PLEKHH2: variants seen among roughly 807,000 people sequenced by gnomAD.
The protein encoded by PLEKHH2 is pleckstrin homology domain-containing family H member 2.
In PLEKHH2, 129 loss-of-function variants were observed where a neutral mutation model predicts 187.9. The observed-to-expected ratio is 0.69, with a 90% CI of 0.59 to 0.79. PLEKHH2 has a LOEUF of 0.79. Ranked by LOEUF, PLEKHH2 falls within the 30% of genes least tolerant of loss-of-function variation. The pLI, the probability that PLEKHH2 is intolerant of heterozygous loss-of-function variation, is 0.00. For missense variants in PLEKHH2, 2,076 were observed against 1,751.2 expected, an observed-to-expected ratio of 1.19 and a Z score of -3.31; for synonymous variants, 686 against 605.6, an observed-to-expected ratio of 1.13 and a Z score of -1.95.
chr2:43,676,898 C>T (rs1667828155), intron 2 of PLEKHH2, among the ~76,000 whole-genome samples: 1 of 152,166 alleles, frequency 6.6e-6, no homozygotes. Context: ...ACACCACTTC[C>T]TTGATGTCAT....
In PLEKHH2 at chr2:43,704,179, G is replaced by T. The variant is rs1488234822; in HGVS notation, c.1726+123G>T. 6.2e-6 allele frequency: 4 copies of T among 647,380 alleles called. No homozygotes were observed. In the East Asian group the frequency reaches 1.2e-4, roughly 19 times the overall value. The allele number at this position is 647,380 out of a possible 1,614,324, so 40.1% of individuals were successfully genotyped here. On this transcript the variant is annotated intron_variant, in intron 9 of 29. Transcript: ENST00000282406. ...ATACTGTATGATTCCACCTAAAGGA[G>T]GTGTTTAAAGGGTCAAATTCATAGG...
At position 43,725,391 on chromosome 2, in the gene PLEKHH2, C is replaced by T. The variant is rs182915099; in HGVS notation, c.2542-881C>T. On this transcript the variant is annotated intron_variant, in intron 16 of 29. Coordinates refer to ENST00000282406, the MANE Select transcript of PLEKHH2 (RefSeq NM_172069.4). ...CTGTTTTATTGGGGGGCCCATTGTA[C>T]AAGTGTGGAGTTTGGTAATTACCCA... is the stretch of plus-strand genomic sequence containing the variant. 3.3e-4 allele frequency among the ~76,000 whole-genome samples: 50 copies of T among 152,268 alleles called. 1 individual carries two copies. Among genetic ancestry groups the T allele is most frequent in the Admixed American group, 1.0e-3 (16 of 15,296 alleles).
chr2:43,764,508 T>C, intron 29 of PLEKHH2, 143 bp downstream of exon 29: 1 of 818,566 alleles, frequency 1.2e-6, no homozygotes, highest in Non-Finnish European at 1.8e-6. Context: ...AAAACAGACG[T>C]TATTTATAGT....
rs1672631160 is a variant in PLEKHH2, at chr2:43,766,625, G to A, written c.*1027G>A. ...ATTTTATTTTATTTTTTTGAGGCAG[G>A]GTCTCACTCTGGTTGCCCAGGCTGG... On this transcript the variant is annotated 3_prime_UTR_variant, in exon 30 of 30. Coordinates refer to ENST00000282406, the MANE Select transcript of PLEKHH2 (RefSeq NM_172069.4). 1 of 151,894 alleles carries A rather than the reference G, an allele frequency of 6.6e-6. No individual in the cohort carries two copies. The highest frequency in any genetic ancestry group is 1.5e-5 in the Non-Finnish European group (1 of 68,160). 9.4% of individuals were successfully genotyped at this position (151,894 alleles called of 1,614,324 possible).
chr2:43,640,211 CTT>C (rs34494657), intron 1 of PLEKHH2, among the ~76,000 whole-genome samples: 67 of 143,572 alleles, frequency 4.7e-4, no homozygotes, highest in South Asian at 6.7e-4. Flanking sequence ...TATATTTAAA[CTT>C]TTTTTTTTTT....
chr2:43,701,395 T>A (rs1669354835), intron 8 of PLEKHH2, among the ~76,000 whole-genome samples: 1 of 151,968 alleles, frequency 6.6e-6, no homozygotes, highest in Non-Finnish European at 1.5e-5. Flanking sequence ...GAGGGGAAAG[T>A]GAATAGGTGG....
chr2:43,704,587 G>A (rs1669554198), intron 9 of PLEKHH2, among the ~76,000 whole-genome samples: 1 of 149,056 alleles, frequency 6.7e-6, no homozygotes, highest in Admixed American at 6.7e-5. Flanking sequence ...GGCGTGAACC[G>A]AGGAGGTGGA....
intron 29 of PLEKHH2, 95 bp from the exon 30 acceptor site, chr2:43,765,318 T>G (rs1672578634): frequency 8.2e-7 from 1 of 1,214,910 alleles, no homozygotes; most frequent in African/African-American, 1.5e-5. Context: ...CCTGGGCACT[T>G]GCAAATGGAG....
chr2:43,720,566 G>A, intron 15 of PLEKHH2, 103 bp from the exon 16 acceptor site: 1 of 1,540,548 alleles, frequency 6.5e-7, no homozygotes, highest in Non-Finnish European at 8.7e-7. Context: ...CTTATATCTG[G>A]GCAAACTGGA....
chr2:43,694,236 A>G (rs1343256261), intron 4 of PLEKHH2, among the ~76,000 whole-genome samples, 195 bp from the exon 5 acceptor site: 1 of 152,198 alleles, frequency 6.6e-6, no homozygotes, highest in African/African-American at 2.4e-5. Flanking sequence ...CTAGTAATAC[A>G]TGCATGTGGC....
Position 43,739,220 on chromosome 2 carries a change from G to A in PLEKHH2, c.3123+700G>A, listed in dbSNP as rs369924912. Among the ~76,000 whole-genome samples, 23 of 151,958 alleles carry A rather than the reference G, an allele frequency of 1.5e-4. No individual in the cohort carries two copies. The South Asian group carries it at 3.6e-3, about 24-fold the overall frequency. On this transcript the variant is annotated intron_variant, in intron 20 of 29. Transcript: ENST00000282406. ...CCTAAATCTTGTGGACAGGTCCAGCGAATTCCTTTGAATTCATTTTTAGAA... is the reference window on the plus strand; with the variant it reads ...CCTAAATCTTGTGGACAGGTCCAGCAAATTCCTTTGAATTCATTTTTAGAA...
chr2:43,762,188 A>C (rs932633486), intron 27 of PLEKHH2, 116 bp from the exon 28 acceptor site: 23 of 766,776 alleles, frequency 3.0e-5, no homozygotes, highest in Non-Finnish European at 4.2e-5. Context: ...TTTTTAATAA[A>C]TTTTTGTTGT....
At chr2:43,682,758 C>G (rs1187008736) in intron 3 of PLEKHH2, among the ~76,000 whole-genome samples, 1 of 152,180 alleles carries the variant, frequency 6.6e-6, no homozygotes, top group African/African-American at 2.4e-5. Flanking sequence ...CTGGCAACCA[C>G]CAATCTGCTT....
intron 19 of PLEKHH2, among the ~76,000 whole-genome samples, chr2:43,732,706 A>T (rs115111979): frequency 0.02 from 3,049 of 152,212 alleles, 109 homozygotes; most frequent in African/African-American, 0.07. Context: ...TTTTAAGATC[A>T]TGATAACTGC....
At chr2:43,716,162 AG>A (rs1209715445) in intron 15 of PLEKHH2, among the ~76,000 whole-genome samples, 1 of 152,092 alleles carries the variant, frequency 6.6e-6, no homozygotes, top group African/African-American at 2.4e-5. Flanking sequence ...GGCATTTTTT[AG>A]GGTGGAAAAG....
rs550644819 is a variant in PLEKHH2 at position 43,643,147 on chromosome 2, A to G, written c.-3-1524A>G. ...CCTAAATCATTGCTAGTAAATGCCAATGTGAATCATTAATCATAAATGCTA... is the reference window on the plus strand; with the variant it reads ...CCTAAATCATTGCTAGTAAATGCCAGTGTGAATCATTAATCATAAATGCTA... On this transcript the variant is annotated intron_variant, in intron 1 of 29. Coordinates refer to ENST00000282406, the MANE Select transcript of PLEKHH2 (RefSeq NM_172069.4). 4.6e-5 allele frequency among the ~76,000 whole-genome samples: 7 copies of G among 152,260 alleles called. 1 individual carries two copies. The highest frequency in any genetic ancestry group is 1.2e-4 in the African/African-American group (5 of 41,572).
rs1344229066 is a variant in PLEKHH2, at chr2:43,729,607, A to C, written c.2722-30A>C. On this transcript the variant is annotated intron_variant, in intron 17 of 29. Coordinates refer to ENST00000282406, the MANE Select transcript of PLEKHH2 (RefSeq NM_172069.4). ...TTTTCTTTAATCAAAACTGTGTCTT[A>C]ACATTTAATTAATATGTTCTGGTTT... The C allele has an allele frequency of 4.2e-6, 6 of 1,434,342 alleles. No homozygotes were observed. In the African/African-American group the frequency reaches 8.7e-5, roughly 21 times the overall value. The allele number at this position is 1,434,342 out of a possible 1,614,324, so 88.9% of individuals were successfully genotyped here.
chr2:43,674,501 A>G (rs1215574999), intron 2 of PLEKHH2, among the ~76,000 whole-genome samples: 1 of 152,252 alleles, frequency 6.6e-6, no homozygotes, highest in Non-Finnish European at 1.5e-5. Flanking sequence ...GCTTCTATAT[A>G]GTGCCATAGT....
chr2:43,723,263 G>T (rs530085952), intron 16 of PLEKHH2, among the ~76,000 whole-genome samples: 2 of 152,242 alleles, frequency 1.3e-5, no homozygotes, highest in African/African-American at 4.8e-5. Flanking sequence ...TTTTTGGCAG[G>T]CCTGAGAATT....
Sources: gnomAD v4.1 joint callset for allele counts (sites outside exome capture counted in the v4.1 genomes callset) on GRCh38, gnomAD v4.1.1 for gene constraint, MANE v1.5 for transcripts, NCBI Gene and HGNC (gene_info 2026-07-23, HGNC 2026-07-21) for gene names.